The following AMZ1 variants were observed in gnomAD, a reference collection of about 807,000 sequenced individuals.
The protein encoded by AMZ1 is archaemetzincin-1.
Under a neutral mutation model 29.9 loss-of-function variants are expected in AMZ1, and 39 were observed. The ratio of observed to expected loss-of-function variants is 1.30; its 90% CI spans 1.01 to 1.70. The LOEUF (loss-of-function observed/expected upper bound fraction) is 1.70, where lower values mean the gene tolerates loss of function less well. Among genes scored for constraint, AMZ1 ranks in the 40% most tolerant of loss-of-function variants. The pLI is 0.00. For synonymous variants in AMZ1, 458 were observed against 304.0 expected (o/e 1.51, Z -5.27); for missense variants, 1,041 against 680.6 (o/e 1.53, Z -5.89).
rs1702682607 is a variant in AMZ1, at chr7:2,719,114, G to A, written c.*6236G>A. 6.6e-6 allele frequency among the ~76,000 whole-genome samples: 1 copy of A among 151,612 alleles called. No homozygotes were observed. The stretch of plus-strand genomic sequence containing the variant: ...TGGCCGTCCTCTTGGGCGCCCCCTT[G>A]TGAGGGCTCGAGGCCTTTACTGGAT... On this transcript the variant is annotated 3_prime_UTR_variant, in exon 7 of 7. Coordinates refer to ENST00000683327, the MANE Select transcript of AMZ1 (RefSeq NM_001384743.1).
At chr7:2,690,312 G>A (rs949254596) in intron 1 of AMZ1, among the ~76,000 whole-genome samples, 2 of 152,188 alleles carry the variant, frequency 1.3e-5, no homozygotes, top group African/African-American at 4.8e-5. Context: ...TCGACCTCCA[G>A]GGCGAAAGCA....
downstream of AMZ1, among the ~76,000 whole-genome samples, chr7:2,721,866 A>G (rs77471554): frequency 0.016 from 2,492 of 152,340 alleles, 70 homozygotes; most frequent in African/African-American, 0.057. Flanking sequence ...TCATATATAC[A>G]AAACATGTTA....
Position 2,712,364 on chromosome 7 carries a change from C to A in AMZ1, c.983C>A (p.Thr328Lys). 1 of 1,601,988 alleles carries A rather than the reference C, an allele frequency of 6.2e-7. No individual in the cohort carries two copies. Among genetic ancestry groups the A allele is most frequent in the Non-Finnish European group, 8.5e-7 (1 of 1,174,058 alleles). ...LYTWTQAVVG[T>K]WPSQEAGEPS... Reference sequence around the variant, plus strand: ...ACCTGGACTCAGGCGGTGGTGGGGACGTGGCCCAGCCAGGAGGCGGGGGAG... The same window carrying A: ...ACCTGGACTCAGGCGGTGGTGGGGAAGTGGCCCAGCCAGGAGGCGGGGGAG... Residue 328 changes from threonine to lysine, a missense_variant, in exon 7 of 7, where the codon ACG (threonine) becomes AAG (lysine). Physicochemically the swap from Thr to Lys is moderately conservative, Grantham distance 78. Transcript: ENST00000683327.
chr7:2,705,471 C>T (rs1788298124), intron 3 of AMZ1, among the ~76,000 whole-genome samples: 1 of 152,178 alleles, frequency 6.6e-6, no homozygotes, highest in Admixed American at 6.5e-5. Context: ...GTGGCCATCA[C>T]CATAATCATA....
At chr7:2,758,429 T>TCTCA (rs1791402853) in intron 4 of AMZ1, among the ~76,000 whole-genome samples, 4 of 152,192 alleles carry the variant, frequency 2.6e-5, no homozygotes, top group Non-Finnish European at 5.9e-5. Context: ...CAGTTTCATG[T>TCTCA]GTTCTGTGCT....
At chr7:2,758,344 C>A (rs1421468232) in intron 4 of AMZ1, among the ~76,000 whole-genome samples, 1 of 152,166 alleles carries the variant, frequency 6.6e-6, no homozygotes, top group Non-Finnish European at 1.5e-5. Context: ...CATCCTCATA[C>A]GTCGTGTGGC....
intron 6 of AMZ1, 94 bp downstream of exon 6, chr7:2,709,910 A>G: frequency 6.6e-7 from 1 of 1,517,620 alleles, no homozygotes; most frequent in Non-Finnish European, 8.9e-7. Flanking sequence ...TGGGGACCGC[A>G]CACAGGCTTT....
intron 3 of AMZ1, 75 bp from the exon 4 acceptor site, chr7:2,708,511 CGG>C: frequency 6.3e-7 from 1 of 1,586,470 alleles, no homozygotes; most frequent in Non-Finnish European, 8.5e-7. Context: ...AAGAGGATGA[CGG>C]GGTGCCAGCC....
intron 1 of AMZ1, among the ~76,000 whole-genome samples, chr7:2,682,302 A>T (rs1282726772): frequency 7.5e-6 from 1 of 132,728 alleles, no homozygotes; most frequent in African/African-American, 2.8e-5. Flanking sequence ...GGGGGTGGGA[A>T]CTGCAGCTCC....
chr7:2,700,156 G>A (rs1024139506), intron 1 of AMZ1, 78 bp from the exon 2 acceptor site: 2 of 456,232 alleles, frequency 4.4e-6, no homozygotes, highest in Non-Finnish European at 8.0e-6. Flanking sequence ...GCCTGGGCAG[G>A]AGCGGCCCAT....
At chr7:2,744,589 G>A (rs1481810368) in intron 4 of AMZ1, among the ~76,000 whole-genome samples, 1 of 152,146 alleles carries the variant, frequency 6.6e-6, no homozygotes, top group Admixed American at 6.5e-5. Flanking sequence ...CAGAAAAACT[G>A]GAAACTCTAA....
At chr7:2,688,609 C>T (rs575882717) in intron 1 of AMZ1, among the ~76,000 whole-genome samples, 2 of 152,332 alleles carry the variant, frequency 1.3e-5, no homozygotes, top group South Asian at 2.1e-4. Flanking sequence ...CTGCGCGCTT[C>T]CCGATGGGAG....
chr7:2,763,036 A>T (rs1791642413), upstream of AMZ1: 5 of 1,253,170 alleles, frequency 4.0e-6, no homozygotes, highest in Non-Finnish European at 5.0e-6. Flanking sequence ...CCCAGGACTC[A>T]GCGTGCCGTT....
chr7:2,721,510 A>G (rs1197291627), downstream of AMZ1, among the ~76,000 whole-genome samples: 2 of 152,076 alleles, frequency 1.3e-5, no homozygotes, highest in Non-Finnish European at 2.9e-5. Context: ...AGGTCAGGAG[A>G]TCGAGACCAT....
At chr7:2,720,363 G>A (rs1789366747), downstream of AMZ1, among the ~76,000 whole-genome samples, 1 of 152,168 alleles carries the variant, frequency 6.6e-6, no homozygotes, top group Non-Finnish European at 1.5e-5. Context: ...GACAAAAAGA[G>A]AAAGACTAGT....
At chr7:2,764,489 G>A (rs976243415), upstream of AMZ1, 2 of 152,242 alleles carry the variant, frequency 1.3e-5, no homozygotes, top group East Asian at 1.9e-4. Context: ...CCTCTGAGAC[G>A]CCCCAGTTGC....
At chr7:2,703,620 T>C (rs563414996) in intron 3 of AMZ1, among the ~76,000 whole-genome samples, 1 of 152,244 alleles carries the variant, frequency 6.6e-6, no homozygotes, top group East Asian at 1.9e-4. Flanking sequence ...TGTTGGTGGA[T>C]AGGAAACCTA....
intron 4 of AMZ1, among the ~76,000 whole-genome samples, chr7:2,742,478 C>CCACATGGACTCA (rs1583221265): frequency 1.3e-5 from 2 of 152,312 alleles, no homozygotes; most frequent in East Asian, 3.9e-4. Context: ...GAGCCCTGCT[C>CCACATGGACTCA]CTGTTTATCT....
At chr7:2,738,017 A>G (rs1790295720) in intron 4 of AMZ1, among the ~76,000 whole-genome samples, 1 of 152,224 alleles carries the variant, frequency 6.6e-6, no homozygotes, top group South Asian at 2.1e-4. Context: ...CTGTGAAAGT[A>G]TTCTGGAAAA....
Sources: gnomAD v4.1 joint callset for allele counts (sites outside exome capture counted in the v4.1 genomes callset) on GRCh38, gnomAD v4.1.1 for gene constraint, MANE v1.5 for transcripts, NCBI Gene and HGNC (gene_info 2026-07-23, HGNC 2026-07-21) for gene names.